The following LINGO2 variants were observed in gnomAD, a reference collection of about 807,000 sequenced individuals.
LINGO2 encodes the protein leucine rich repeat and Ig domain containing 2, also known as leucine-rich repeat and immunoglobulin-like domain-containing nogo receptor-interacting protein 2.
LINGO2 carries 14 observed loss-of-function variants against 30.6 expected under a neutral mutation model. The ratio of observed to expected loss-of-function variants is 0.46; its 90% CI spans 0.30 to 0.72. The LOEUF is 0.72. Ranked by LOEUF, LINGO2 falls within the 30% of genes least tolerant of loss-of-function variation. The pLI is 0.07. For synonymous variants in LINGO2, 317 were observed against 288.5 expected (o/e 1.10, Z -1.00); for missense variants, 729 against 751.7 (o/e 0.97, Z 0.35).
At chr9:28,426,776 C>A (rs1823432090) in intron 2 of LINGO2, among the ~76,000 whole-genome samples, 1 of 152,108 alleles carries the variant, frequency 6.6e-6, no homozygotes, top group South Asian at 2.1e-4. Context: ...ATTCTTTACC[C>A]TGTTTTTATG....
chr9:28,940,346 A>T, the LINGO2 span, among the ~76,000 whole-genome samples: 1 of 152,142 alleles, frequency 6.6e-6, no homozygotes, highest in Non-Finnish European at 1.5e-5. Context: ...CCCTTCTACC[A>T]GATTATAAAG....
chr9:28,908,446 A>G, the LINGO2 span, among the ~76,000 whole-genome samples: 3 of 151,914 alleles, frequency 2.0e-5, no homozygotes, highest in African/African-American at 7.2e-5. Context: ...GATGCTGGAG[A>G]AAACAAACAA....
chr9:28,669,406 A>G (rs1828930062), intron 1 of LINGO2, among the ~76,000 whole-genome samples: 1 of 152,126 alleles, frequency 6.6e-6, no homozygotes, highest in South Asian at 2.1e-4. Context: ...GTTCAATTAA[A>G]TAAGACATTT....
chr9:28,395,497 C>A (rs931569300), intron 2 of LINGO2, among the ~76,000 whole-genome samples: 1 of 150,760 alleles, frequency 6.6e-6, no homozygotes, highest in Admixed American at 6.6e-5. Context: ...GATATTGAAG[C>A]AAATATATGA....
intron 2 of LINGO2, among the ~76,000 whole-genome samples, chr9:28,472,548 C>T (rs149021666): frequency 2.0e-4 from 31 of 152,044 alleles, no homozygotes; most frequent in African/African-American, 7.2e-4. Flanking sequence ...AAGTAATTTC[C>T]ATGCAATACA....
chr9:29,124,450 G>T, the LINGO2 span, among the ~76,000 whole-genome samples: 1 of 152,096 alleles, frequency 6.6e-6, no homozygotes, highest in African/African-American at 2.4e-5. Context: ...CACAGCAAAA[G>T]AAACTATCAT....
chr9:28,094,814 A>G (rs1826198605), intron 4 of LINGO2, among the ~76,000 whole-genome samples: 1 of 152,080 alleles, frequency 6.6e-6, no homozygotes, highest in Non-Finnish European at 1.5e-5. Flanking sequence ...CCAGACCCTC[A>G]AAGCTAATTG....
chr9:28,984,579 A>T, the LINGO2 span, among the ~76,000 whole-genome samples: 3 of 152,102 alleles, frequency 2.0e-5, no homozygotes, highest in Non-Finnish European at 4.4e-5. Flanking sequence ...GATGCTTTCC[A>T]GGATAGGGGA....
At chr9:28,773,130 C>T in the LINGO2 span, among the ~76,000 whole-genome samples, 1 of 152,106 alleles carries the variant, frequency 6.6e-6, no homozygotes, top group African/African-American at 2.4e-5. Flanking sequence ...CTCTGGGAGG[C>T]TGAGACGGGT....
chr9:28,682,362 T>C, the LINGO2 span, among the ~76,000 whole-genome samples: 1 of 152,276 alleles, frequency 6.6e-6, no homozygotes, highest in Admixed American at 6.5e-5. Context: ...TCTGTGGCCT[T>C]GTCAAATATT....
the LINGO2 span, among the ~76,000 whole-genome samples, chr9:29,071,128 C>A: frequency 2.7e-4 from 40 of 148,476 alleles, no homozygotes; most frequent in Non-Finnish European, 3.9e-4. Context: ...GTATGATATG[C>A]ACATCTACAA....
At chr9:29,189,818 C>A in the LINGO2 span, among the ~76,000 whole-genome samples, 2 of 151,944 alleles carry the variant, frequency 1.3e-5, no homozygotes, top group Non-Finnish European at 2.9e-5. Flanking sequence ...GAGACCAGCC[C>A]GGCCAACACA....
intron 1 of LINGO2, among the ~76,000 whole-genome samples, chr9:28,624,199 T>C (rs1229613168): frequency 6.6e-6 from 1 of 152,148 alleles, no homozygotes; most frequent in African/African-American, 2.4e-5. Context: ...AGCTAGGAAT[T>C]CTAGTATTAT....
intron 1 of LINGO2, among the ~76,000 whole-genome samples, chr9:28,504,031 C>A (rs1399671855): frequency 6.6e-6 from 1 of 151,842 alleles, no homozygotes; most frequent in South Asian, 2.1e-4. Flanking sequence ...TAAAACCCCA[C>A]ACAGCAGAAA....
At chr9:28,077,389 A>G (rs1471083148) in intron 4 of LINGO2, among the ~76,000 whole-genome samples, 3 of 152,220 alleles carry the variant, frequency 2.0e-5, no homozygotes, top group South Asian at 2.1e-4. Flanking sequence ...CCCATTTTGT[A>G]TACTATCTTA....
At chr9:28,274,335 CA>C (rs1261348206) in intron 4 of LINGO2, among the ~76,000 whole-genome samples, 1 of 152,064 alleles carries the variant, frequency 6.6e-6, no homozygotes, top group Non-Finnish European at 1.5e-5. Flanking sequence ...CACTTATGAG[CA>C]CATATTTTTT....
chr9:29,018,089 TTTTATA>T, the LINGO2 span, among the ~76,000 whole-genome samples: 80,379 of 136,612 alleles, frequency 0.59, 24,717 homozygotes, highest in Non-Finnish European at 0.7. Flanking sequence ...TAAATATACA[TTTTATA>T]TATATATATA....
At chr9:28,504,357 A>T (rs1316285182) in intron 1 of LINGO2, among the ~76,000 whole-genome samples, 1 of 151,890 alleles carries the variant, frequency 6.6e-6, no homozygotes, top group Non-Finnish European at 1.5e-5. Context: ...ATATAGTAAC[A>T]TAAGCAGCAA....
chr9:28,855,272 G>A, the LINGO2 span, among the ~76,000 whole-genome samples: 2 of 152,020 alleles, frequency 1.3e-5, no homozygotes, highest in Non-Finnish European at 1.5e-5. Flanking sequence ...AAGGGTGGAA[G>A]GCAGTCCTTA....
Sources: gnomAD v4.1 joint callset for allele counts (sites outside exome capture counted in the v4.1 genomes callset) on GRCh38, gnomAD v4.1.1 for gene constraint, MANE v1.5 for transcripts, NCBI Gene and HGNC (gene_info 2026-07-23, HGNC 2026-07-21) for gene names.